DISC1: variants seen among roughly 807,000 people sequenced by gnomAD.
The protein encoded by DISC1 is DISC1 scaffold protein.
Under a neutral mutation model 84.5 loss-of-function variants are expected in DISC1, and 57 were observed. The ratio of observed to expected loss-of-function variants is 0.67; its 90% CI spans 0.55 to 0.84. The LOEUF is 0.84. DISC1 is among the 40% of genes least tolerant of loss of function. DISC1 has a pLI of 0.00. For missense variants in DISC1, 1,000 were observed against 1,057.8 expected (o/e 0.95, Z 0.76); for synonymous variants, 411 against 415.2 (o/e 0.99, Z 0.12).
chr1:232,026,762 C>CTTTTTTTTTT (rs545455868), intron 12 of DISC1, among the ~76,000 whole-genome samples: 17 of 110,876 alleles, frequency 1.5e-4, no homozygotes, highest in East Asian at 2.9e-4. Flanking sequence ...TTTCTTTTTT[C>CTTTTTTTTTT]TTTTTTTTTT....
intron 9 of DISC1, among the ~76,000 whole-genome samples, chr1:231,957,688 T>C (rs939441415): frequency 2.0e-5 from 3 of 152,240 alleles, no homozygotes; most frequent in Admixed American, 6.5e-5. Context: ...TAAACAGTTG[T>C]TTTCATTGTG....
At chr1:231,633,093 A>T (rs1393771849) in intron 1 of DISC1, among the ~76,000 whole-genome samples, 1 of 152,068 alleles carries the variant, frequency 6.6e-6, no homozygotes, top group Non-Finnish European at 1.5e-5. Context: ...ACAAAAAACC[A>T]CGTAGATTTT....
chr1:231,890,190 T>C (rs1359253878), intron 9 of DISC1, among the ~76,000 whole-genome samples: 1 of 152,202 alleles, frequency 6.6e-6, no homozygotes, highest in Non-Finnish European at 1.5e-5. Context: ...AGAGCTTTAA[T>C]ATAAACTGCG....
chr1:231,733,313 A>G (rs1279525267), intron 3 of DISC1, among the ~76,000 whole-genome samples: 2 of 148,964 alleles, frequency 1.3e-5, no homozygotes, highest in African/African-American at 2.5e-5. Flanking sequence ...TGGTGATGGT[A>G]GGAGTGGTGG....
At chr1:231,887,605 G>A (rs1418659915) in intron 9 of DISC1, among the ~76,000 whole-genome samples, 1 of 152,206 alleles carries the variant, frequency 6.6e-6, no homozygotes, top group Non-Finnish European at 1.5e-5. Flanking sequence ...CTACAGGACT[G>A]GGCAGTTACG....
Position 231,701,948 on chromosome 1 carries a change from A to T in DISC1, c.1048-7A>T, listed in dbSNP as rs767504437. 8.1e-6 allele frequency: 13 copies of T among 1,596,816 alleles called. No individual in the cohort carries two copies. The highest frequency in any genetic ancestry group is 1.7e-4 in the Middle Eastern group (1 of 6,048). On this transcript the variant is annotated splice_polypyrimidine_tract_variant and splice_region_variant and intron_variant, in intron 2 of 12. Coordinates refer to ENST00000439617, the MANE Select transcript of DISC1 (RefSeq NM_018662.3). ...TTTTTTATTTTTTCCCCTTTAAACC[A>T]ACATAGGTAATATCCTTAAGATTAA...
intron 11 of DISC1, among the ~76,000 whole-genome samples, chr1:232,025,674 G>A (rs1022439077): frequency 1.2e-4 from 18 of 149,150 alleles, no homozygotes; most frequent in Admixed American, 5.4e-4. Context: ...TCGGCTCACT[G>A]CAAGCTCCGC....
intron 1 of DISC1, among the ~76,000 whole-genome samples, chr1:231,646,088 C>A (rs536789206): frequency 5.4e-5 from 8 of 149,308 alleles, no homozygotes; most frequent in African/African-American, 7.4e-5. Context: ...ACAGTGTTAT[C>A]ATTTATTATT....
rs1670674610 is a variant in DISC1, at chr1:232,039,025, CCTATGG to C, written c.*2197_*2202del. ...ATATGTGAATGTGCTGATTGTGTTC[CCTATGG>C]CTTTATCTCGAGCAAAATACACTCT... On this transcript the variant is annotated 3_prime_UTR_variant, in exon 13 of 13. Coordinates refer to ENST00000439617, the MANE Select transcript of DISC1 (RefSeq NM_018662.3). 6.6e-6 allele frequency: 1 copy of C among 152,122 alleles called. No individual in the cohort carries two copies. Among genetic ancestry groups the C allele is most frequent in the Admixed American group, 6.5e-5 (1 of 15,276 alleles). 9.4% of individuals were successfully genotyped at this position (152,122 alleles called of 1,614,324 possible). A position where few individuals can be genotyped will look rare whatever the true frequency, so the allele number is the denominator to read the frequency against.
intron 12 of DISC1, among the ~76,000 whole-genome samples, chr1:232,027,287 T>A (rs1327141301): frequency 6.6e-6 from 1 of 152,218 alleles, no homozygotes; most frequent in Non-Finnish European, 1.5e-5. Context: ...GGCAGTACAG[T>A]AACAAAGCAA....
At chr1:231,691,785 T>A (rs1316737694) in intron 1 of DISC1, among the ~76,000 whole-genome samples, 1 of 152,210 alleles carries the variant, frequency 6.6e-6, no homozygotes, top group Non-Finnish European at 1.5e-5. Flanking sequence ...GAGTAGTGCG[T>A]GTGCCTGAGG....
At position 231,895,442 on chromosome 1, in the gene DISC1, A is replaced by G. The variant is rs1031596303; in HGVS notation, c.1982-63386A>G. Among the ~76,000 whole-genome samples the G allele has an allele frequency of 7.2e-5, 11 of 152,090 alleles. No homozygotes were observed. The South Asian group carries it at 2.3e-3, about 32-fold the overall frequency. Reference sequence around the variant, plus strand: ...TATATGTGTGTGTGTATATATATATATATGAGAGAGATAAATAATTTTACA... The same window carrying G: ...TATATGTGTGTGTGTATATATATATGTATGAGAGAGATAAATAATTTTACA... On this transcript the variant is annotated intron_variant, in intron 9 of 12. Coordinates refer to ENST00000439617, the MANE Select transcript of DISC1 (RefSeq NM_018662.3).
intron 9 of DISC1, among the ~76,000 whole-genome samples, chr1:231,819,917 C>G (rs545760910): frequency 6.6e-6 from 1 of 151,918 alleles, no homozygotes; most frequent in African/African-American, 2.4e-5. Context: ...TAGTTGAGCC[C>G]CTGAAAGCCA....
intron 9 of DISC1, chr1:231,855,220 T>C (rs1304061014): frequency 3.0e-6 from 3 of 1,005,618 alleles, no homozygotes; most frequent in Non-Finnish European, 3.6e-6. Context: ...CTAAGTGTCT[T>C]TGTTCACTTT....
chr1:231,702,094 C>G (rs116278112), intron 3 of DISC1, 70 bp downstream of exon 3: 4 of 1,548,512 alleles, frequency 2.6e-6, no homozygotes, highest in Non-Finnish European at 3.5e-6. Flanking sequence ...TTACTCATAT[C>G]TACCTTTTGA....
chr1:231,944,722 A>T (rs1656796559), intron 9 of DISC1, among the ~76,000 whole-genome samples: 1 of 152,210 alleles, frequency 6.6e-6, no homozygotes, highest in Non-Finnish European at 1.5e-5. Context: ...CAGACTGGCC[A>T]TACTGTGCAC....
chr1:231,745,265 A>G (rs1226768520), intron 3 of DISC1: 1 of 152,282 alleles, frequency 6.6e-6, no homozygotes, highest in East Asian at 1.9e-4. Context: ...TCTGTTGCCC[A>G]GGCTGGAGTG....
chr1:231,986,994 C>T (rs1664536829), intron 10 of DISC1, among the ~76,000 whole-genome samples: 1 of 152,184 alleles, frequency 6.6e-6, no homozygotes, highest in South Asian at 2.1e-4. Flanking sequence ...TGGTTTTTGG[C>T]AACAGGGTAA....
At chr1:231,952,199 G>A (rs956800189) in intron 9 of DISC1, among the ~76,000 whole-genome samples, 1 of 151,686 alleles carries the variant, frequency 6.6e-6, no homozygotes. Context: ...CCCTTTCCCT[G>A]TTACCACTTA....
Sources: allele counts gnomAD v4.1 joint callset (sites outside exome capture counted in the v4.1 genomes callset), GRCh38; gene constraint gnomAD v4.1.1; transcripts MANE v1.5; gene names NCBI Gene and HGNC (gene_info 2026-07-23, HGNC 2026-07-21).